The following DIAPH1 variants were observed in gnomAD, a reference collection of about 807,000 sequenced individuals.
DIAPH1 encodes the protein diaphanous related formin 1.
DIAPH1 carries 46 observed loss-of-function variants against 140.7 expected under a neutral mutation model. That is an observed-to-expected ratio of 0.33 (90% CI 0.26 to 0.42). The LOEUF is 0.42. DIAPH1 is among the 10% of genes least tolerant of loss of function. The pLI, the probability that DIAPH1 is intolerant of heterozygous loss-of-function variation, is 1.00. For synonymous variants in DIAPH1, 565 were observed against 551.6 expected, an observed-to-expected ratio of 1.02 and a Z score of -0.34; for missense variants, 1,310 against 1,558.7, an observed-to-expected ratio of 0.84 and a Z score of 2.69.
intron 27 of DIAPH1, among the ~76,000 whole-genome samples, chr5:141,523,433 C>T (rs2099886846): frequency 6.6e-6 from 1 of 152,160 alleles, no homozygotes; most frequent in Non-Finnish European, 1.5e-5. Flanking sequence ...GGAACTTATT[C>T]ATTAATCTTT....
intron 7 of DIAPH1, chr5:141,582,084 A>G (rs1208520370): frequency 4.8e-6 from 2 of 412,798 alleles, no homozygotes; most frequent in Non-Finnish European, 8.6e-6. Context: ...AAAAAAAAAA[A>G]AAAGAGAGAG....
At position 141,576,873 on chromosome 5, in the gene DIAPH1, T is replaced by C; in HGVS notation, c.1281-2A>G. On this transcript the variant is annotated splice_acceptor_variant, in intron 12 of 27. Transcript: ENST00000389054. LOFTEE classifies it high-confidence loss of function. ...TCAATCAACTTATAGTACTGAGGTCTACAAGAGAATAAAAACAGGGTCATC... is the reference window on the plus strand; with the variant it reads ...TCAATCAACTTATAGTACTGAGGTCCACAAGAGAATAAAAACAGGGTCATC... 6.5e-7 allele frequency: 1 copy of C among 1,538,100 alleles called. No homozygotes were observed. Among genetic ancestry groups the C allele is most frequent in the Non-Finnish European group, 9.0e-7 (1 of 1,110,826 alleles).
At position 141,516,768 on chromosome 5, in the gene DIAPH1, T is replaced by C; in HGVS notation, c.*83A>G. On this transcript the variant is annotated 3_prime_UTR_variant, in exon 28 of 28. Transcript: ENST00000389054. ...TGGGAGTGGCCACCCCAGAGGAATATCCCCTTGAGCCTTTAGGCACATGCT... is the reference window on the plus strand; with the variant it reads ...TGGGAGTGGCCACCCCAGAGGAATACCCCCTTGAGCCTTTAGGCACATGCT... The C allele has an allele frequency of 6.5e-7, 1 of 1,541,770 alleles. No individual in the cohort carries two copies. Among genetic ancestry groups the C allele is most frequent in the Non-Finnish European group, 8.9e-7 (1 of 1,121,388 alleles).
intron 1 of DIAPH1, among the ~76,000 whole-genome samples, chr5:141,599,485 G>C (rs2099899816): frequency 6.6e-6 from 1 of 152,154 alleles, no homozygotes; most frequent in Admixed American, 6.5e-5. Flanking sequence ...AGGAGGCCCA[G>C]GATCCCTGGG....
At chr5:141,521,373 T>G (rs1177634853) in intron 27 of DIAPH1, among the ~76,000 whole-genome samples, 1 of 152,172 alleles carries the variant, frequency 6.6e-6, no homozygotes, top group African/African-American at 2.4e-5. Flanking sequence ...GCTGACTCAA[T>G]CATGGGCCTG....
intron 19 of DIAPH1, among the ~76,000 whole-genome samples, chr5:141,533,158 C>A (rs1012706872): frequency 4.6e-5 from 7 of 152,206 alleles, no homozygotes; most frequent in African/African-American, 1.4e-4. Context: ...ATAACTGCAT[C>A]ACAAGACTAT....
At chr5:141,545,930 AT>A (rs942679288) in intron 18 of DIAPH1, among the ~76,000 whole-genome samples, 2 of 152,220 alleles carry the variant, frequency 1.3e-5, no homozygotes, top group Admixed American at 1.3e-4. Context: ...CTGGCTTTCC[AT>A]TTTAAAGGAA....
rs143648891 is a variant in DIAPH1, at chr5:141,532,730, C to T, written c.2581+1605G>A. ...CTTTGTATCATTAGCACATGAGAGA[C>T]ATTTAATCACTAAATTCCATCTTCC... On this transcript the variant is annotated intron_variant, in intron 19 of 27. Coordinates refer to ENST00000389054, the MANE Select transcript of DIAPH1 (RefSeq NM_005219.5). Among the ~76,000 whole-genome samples the T allele has an allele frequency of 5.4e-3, 824 of 152,326 alleles. 7 individuals carry two copies. Among genetic ancestry groups the T allele is most frequent in the Non-Finnish European group, 7.4e-3 (506 of 68,030 alleles).
chr5:141,551,518 T>C (rs748799862), intron 18 of DIAPH1, among the ~76,000 whole-genome samples: 1 of 152,026 alleles, frequency 6.6e-6, no homozygotes, highest in Non-Finnish European at 1.5e-5. Context: ...TACACATACA[T>C]AAATAACACA....
intron 1 of DIAPH1, among the ~76,000 whole-genome samples, chr5:141,598,531 CCA>C (rs2099899672): frequency 6.6e-6 from 1 of 152,156 alleles, no homozygotes; most frequent in Non-Finnish European, 1.5e-5. Flanking sequence ...CTAAGACCAT[CCA>C]TCAACATAAA....
In DIAPH1 at chr5:141,528,921, C is replaced by T. The variant is rs1297380803; in HGVS notation, c.2799G>A (p.Leu933=). ...FGVVMGTVPR[L]RPRLNAILFK... The stretch of plus-strand genomic sequence containing the variant: ...AGAGAATGGCATTGAGGCGAGGCCG[C>T]AGTCGGGGCACAGTGCCCATCTAGT... Residue 933 remains leucine, a synonymous_variant, in exon 22 of 28, where the codon CTG becomes CTA. Transcript: ENST00000389054. 6.2e-7 allele frequency: 1 copy of T among 1,613,950 alleles called. No homozygotes were observed. The highest frequency in any genetic ancestry group is 1.7e-5 in the Admixed American group (1 of 60,022).
At chr5:141,535,699 A>G (rs573025960) in intron 18 of DIAPH1, among the ~76,000 whole-genome samples, 1 of 152,350 alleles carries the variant, frequency 6.6e-6, no homozygotes, top group Non-Finnish European at 1.5e-5. Flanking sequence ...AATACATAGG[A>G]AAAAACCAAG....
intron 27 of DIAPH1, among the ~76,000 whole-genome samples, chr5:141,522,835 C>CA (rs2099886767): frequency 6.6e-6 from 1 of 152,144 alleles, no homozygotes; most frequent in Non-Finnish European, 1.5e-5. Flanking sequence ...AGCCTGTACT[C>CA]AGAGAATGCC....
At chr5:141,537,206 A>G (rs571565147) in intron 18 of DIAPH1, among the ~76,000 whole-genome samples, 3 of 151,680 alleles carry the variant, frequency 2.0e-5, no homozygotes, top group Admixed American at 1.3e-4. Context: ...AAAATTGGCC[A>G]GACGCGGTGG....
chr5:141,573,168 G>C (rs2099895445), intron 16 of DIAPH1, among the ~76,000 whole-genome samples: 1 of 152,110 alleles, frequency 6.6e-6, no homozygotes, highest in Non-Finnish European at 1.5e-5. Context: ...CGGGCGCGGT[G>C]GCTCACGCCT....
At position 141,547,262 on chromosome 5, in the gene DIAPH1, A is replaced by G. The variant is rs186312650; in HGVS notation, c.2483-12829T>C. On this transcript the variant is annotated intron_variant, in intron 18 of 27. Coordinates refer to ENST00000389054, the MANE Select transcript of DIAPH1 (RefSeq NM_005219.5). ...GGGCGGATCATGAGGTCAGGAGATC[A>G]AGACCATCCTGGTTAACACGGTGAA... 6.1e-3 allele frequency among the ~76,000 whole-genome samples: 926 copies of G among 152,294 alleles called. 10 individuals carry two copies. Among genetic ancestry groups the G allele is most frequent in the African/African-American group, 0.021 (890 of 41,556 alleles).
intron 1 of DIAPH1, among the ~76,000 whole-genome samples, chr5:141,616,452 G>T (rs2099902689): frequency 6.6e-6 from 1 of 152,186 alleles, no homozygotes; most frequent in Non-Finnish European, 1.5e-5. Flanking sequence ...GGCGGCGAAA[G>T]ACCTTTGAGT....
chr5:141,515,672 T>TA lies in DIAPH1; in HGVS notation c.*1178dup, dbSNP rs1156791762. The stretch of plus-strand genomic sequence containing the variant: ...TTGGCTTGATACATTTATACATTTA[T>TA]AAAAAACTCTGTGGTCTTAGAGTTC... On this transcript the variant is annotated 3_prime_UTR_variant, in exon 28 of 28. Coordinates refer to ENST00000389054, the MANE Select transcript of DIAPH1 (RefSeq NM_005219.5). 6.6e-6 allele frequency: 1 copy of TA among 152,182 alleles called. No homozygotes were observed. The highest frequency in any genetic ancestry group is 1.5e-5 in the Non-Finnish European group (1 of 68,034). The allele number at this position is 152,182 out of a possible 1,614,324, so 9.4% of individuals were successfully genotyped here.
chr5:141,521,250 AG>A (rs1280614299), intron 27 of DIAPH1, among the ~76,000 whole-genome samples: 1 of 152,208 alleles, frequency 6.6e-6, no homozygotes. Context: ...AGGGAAGGAA[AG>A]GAAGAGTTGA....
Sources: gnomAD v4.1 joint callset for allele counts (sites outside exome capture counted in the v4.1 genomes callset) on GRCh38, gnomAD v4.1.1 for gene constraint, MANE v1.5 for transcripts, NCBI Gene and HGNC (gene_info 2026-07-23, HGNC 2026-07-21) for gene names.